Variants in ABCF2 observed in about 807,000 individuals in gnomAD.
ABCF2 encodes ATP-binding cassette sub-family F member 2.
A neutral mutation model predicts 76.9 loss-of-function variants in ABCF2; 37 were observed. That is an observed-to-expected ratio of 0.48 (90% CI 0.37 to 0.63). The LOEUF (loss-of-function observed/expected upper bound fraction) is 0.63, where lower values mean the gene tolerates loss of function less well. Among genes scored for constraint, ABCF2 ranks in the 30% least tolerant of loss-of-function variants. ABCF2 has a pLI of 0.00. For missense variants in ABCF2, 524 were observed against 782.1 expected, an observed-to-expected ratio of 0.67 and a Z score of 3.94; for synonymous variants, 299 against 283.7, an observed-to-expected ratio of 1.05 and a Z score of -0.54.
intron 11 of ABCF2, 46 bp downstream of exon 11, chr7:151,218,035 G>A (rs1480450515): frequency 5.7e-6 from 8 of 1,406,836 alleles, no homozygotes; most frequent in Admixed American, 5.2e-5. Context: ...CTTAACCATC[G>A]CAAGGCCTAA....
chr7:151,217,610 T>C (rs1343759805), intron 11 of ABCF2, among the ~76,000 whole-genome samples: 2 of 152,006 alleles, frequency 1.3e-5, no homozygotes, highest in Admixed American at 1.3e-4. Flanking sequence ...ACCAGCCTAA[T>C]GAACATGGTG....
chr7:151,225,522 G>A (rs73727121), intron 2 of ABCF2, among the ~76,000 whole-genome samples: 4,983 of 152,320 alleles, frequency 0.033, 288 homozygotes, highest in African/African-American at 0.11. Flanking sequence ...GTTTGACTGA[G>A]AGACGCTTCA....
chr7:151,219,296 C>T (rs1802219838), intron 7 of ABCF2, 137 bp from the exon 8 acceptor site: 3 of 738,060 alleles, frequency 4.1e-6, no homozygotes, highest in South Asian at 2.9e-5. Context: ...GAAGAGAGGA[C>T]GTGCATTACA....
At position 151,215,586 on chromosome 7, in the gene ABCF2, A is replaced by T; in HGVS notation, c.1530+18T>A. On this transcript the variant is annotated intron_variant, in intron 13 of 14. Transcript: ENST00000287844. The surrounding 1 kb of genome is among the most constrained non-coding windows in gnomAD (Gnocchi z 4.6). ...CTGCCAGCTATCTGGCATCCTCACC[A>T]CACCCTCCTTTACTGACCTGTTGTT... 1 of 1,613,572 alleles carries T rather than the reference A, an allele frequency of 6.2e-7. No homozygotes were observed. The highest frequency in any genetic ancestry group is 8.5e-7 in the Non-Finnish European group (1 of 1,179,780).
rs118161333 is a variant in ABCF2, at chr7:151,224,783, A to G, written c.360T>C (p.Asn120=). 243 of 1,614,130 alleles carry G rather than the reference A, an allele frequency of 1.5e-4. No individual in the cohort carries two copies. The East Asian group carries it at 4.5e-3, about 30-fold the overall frequency. Reference sequence around the variant, plus strand: ...CCCCTTCCAAGGCCTCACCAATTCCATTTAAACCAATGAGGCCATAACGAC... The same window carrying G: ...CCCCTTCCAAGGCCTCACCAATTCCGTTTAAACCAATGAGGCCATAACGAC... ...SGRRYGLIGL[N]GIGKSMLLSA... Residue 120 remains asparagine (N), a synonymous_variant, in exon 3 of 15, where the codon AAT becomes AAC. Coordinates refer to ENST00000287844, the MANE Select transcript of ABCF2 (RefSeq NM_007189.3).
In ABCF2 at chr7:151,212,339, A is replaced by G. The variant is rs970208728; in HGVS notation, c.*1715T>C. ...GCTGGAAGTGAATTCAACAGTGATG[A>G]TAACTATGGCTGTGGACAGGTAAAA... On this transcript the variant is annotated 3_prime_UTR_variant, in exon 15 of 15. Transcript: ENST00000287844. The G allele has an allele frequency of 6.0e-5, 59 of 985,480 alleles. No individual in the cohort carries two copies. In the African/African-American group the frequency reaches 9.1e-4, roughly 15 times the overall value. 61.0% of individuals were successfully genotyped at this position (985,480 alleles called of 1,614,324 possible).
chr7:151,223,802 C>G lies in ABCF2; in HGVS notation c.598G>C (p.Asp200His). The change falls in exon 5 of 15, where the codon GAT becomes CAT. Residue 200 changes from aspartate (D) to histidine (H), a missense_variant. By Grantham distance (81) the Asp-to-His change is moderately conservative. Around this residue, in one of 2 missense-constraint regions of ABCF2, gnomAD observed 330 missense variants for 433.6 expected, o/e 0.76. Transcript: ENST00000287844. ...GCCCTCATCTCTGCCTTGTCGGCAT[C>G]CAGCTCCTCCAGGCGCTCGTAGAGC... is the stretch of plus-strand genomic sequence containing the variant. ...MELYERLEEL[D>H]ADKAEMRASR... 1.9e-6 allele frequency: 3 copies of G among 1,613,974 alleles called. No individual in the cohort carries two copies. Among genetic ancestry groups the G allele is most frequent in the Non-Finnish European group, 2.5e-6 (3 of 1,179,918 alleles).
At chr7:151,216,375 T>C (rs1489896570) in intron 11 of ABCF2, among the ~76,000 whole-genome samples, 1 of 152,200 alleles carries the variant, frequency 6.6e-6, no homozygotes, top group Admixed American at 6.5e-5. Flanking sequence ...GATAGGTTCT[T>C]AGAAACAGAA....
rs1802374007 is a variant in ABCF2 at position 151,226,460 on chromosome 7, AT to A, written c.-3del. The A allele has an allele frequency of 6.2e-7, 1 of 1,613,460 alleles. No homozygotes were observed. Among genetic ancestry groups the A allele is most frequent in the Non-Finnish European group, 8.5e-7 (1 of 1,179,850 alleles). The stretch of plus-strand genomic sequence containing the variant: ...CTTCTTGGCCAGGTCGGAGGGCATG[AT>A]GATGACCCACAGGGGTAGGTTACTG... On this transcript the variant is annotated 5_prime_UTR_variant, in exon 2 of 15. Coordinates refer to ENST00000287844, the MANE Select transcript of ABCF2 (RefSeq NM_007189.3).
Position 151,215,492 on chromosome 7 carries a change from G to T in ABCF2, c.1530+112C>A. The T allele has an allele frequency of 7.5e-7, 1 of 1,336,062 alleles. No homozygotes were observed. The highest frequency in any genetic ancestry group is 1.0e-6 in the Non-Finnish European group (1 of 965,490). 82.8% of individuals were successfully genotyped at this position (1,336,062 alleles called of 1,614,324 possible). A position where few individuals can be genotyped will look rare whatever the true frequency, so the allele number is the denominator to read the frequency against. On this transcript the variant is annotated intron_variant, in intron 13 of 14. Coordinates refer to ENST00000287844, the MANE Select transcript of ABCF2 (RefSeq NM_007189.3). The surrounding 1 kb of genome is among the most constrained non-coding windows in gnomAD (Gnocchi z 4.6). The stretch of plus-strand genomic sequence containing the variant: ...GTTCTTAGGGGAGTCAAATGGAGGA[G>T]ACTCTGGTTTGGACAGCTTCCAAAC...
chr7:151,225,402 G>A lies in ABCF2; in HGVS notation c.155-414C>T, dbSNP rs181304880. 1.2e-4 allele frequency among the ~76,000 whole-genome samples: 18 copies of A among 152,286 alleles called. No homozygotes were observed. In the South Asian group the frequency reaches 3.3e-3, roughly 28 times the overall value. On this transcript the variant is annotated intron_variant, in intron 2 of 14. Coordinates refer to ENST00000287844, the MANE Select transcript of ABCF2 (RefSeq NM_007189.3). The stretch of plus-strand genomic sequence containing the variant: ...AAAAAAAACCCAAGACAGGGTCCTT[G>A]CACTCAAAGATGAAACAATTTAGAC...
At chr7:151,216,800 C>T (rs1802160787) in intron 11 of ABCF2, among the ~76,000 whole-genome samples, 1 of 152,148 alleles carries the variant, frequency 6.6e-6, no homozygotes, top group Non-Finnish European at 1.5e-5. Flanking sequence ...AGGTGTGAGC[C>T]ACGGCACCTG....
chr7:151,220,074 G>C (rs1802235626), intron 7 of ABCF2, among the ~76,000 whole-genome samples: 1 of 151,524 alleles, frequency 6.6e-6, no homozygotes, highest in South Asian at 2.1e-4. Flanking sequence ...ACTCCAGCCT[G>C]GGTGACAGAG....
rs1415523427 is a variant in ABCF2 at position 151,224,211 on chromosome 7, T to A, written c.368-97A>T. ...CCCAGTCAAACTGGGACCTCATCCATTTTTTTTTTTTTGAGGACCTTTCTT... is the reference window on the plus strand; with the variant it reads ...CCCAGTCAAACTGGGACCTCATCCAATTTTTTTTTTTTGAGGACCTTTCTT... On this transcript the variant is annotated intron_variant, in intron 3 of 14. Coordinates refer to ENST00000287844, the MANE Select transcript of ABCF2 (RefSeq NM_007189.3). 9.1e-6 allele frequency: 4 copies of A among 437,748 alleles called. No individual in the cohort carries two copies. The South Asian group carries it at 1.4e-4, about 16-fold the overall frequency. 27.1% of individuals were successfully genotyped at this position (437,748 alleles called of 1,614,324 possible).
In ABCF2 at chr7:151,213,738, C is replaced by T. The variant is rs942962941; in HGVS notation, c.*316G>A. 2.1e-5 allele frequency: 24 copies of T among 1,128,866 alleles called. No individual in the cohort carries two copies. The highest frequency in any genetic ancestry group is 2.4e-5 in the Non-Finnish European group (22 of 922,290). The allele number at this position is 1,128,866 out of a possible 1,614,324, so 69.9% of individuals were successfully genotyped here. A position where few individuals can be genotyped will look rare whatever the true frequency, so the allele number is the denominator to read the frequency against. ...CCGCAGGCCAAATCCAGGGCTTGGG[C>T]CCCTGGGCTAACCCGCAGGTGCCTC... On this transcript the variant is annotated 3_prime_UTR_variant, in exon 15 of 15. Transcript: ENST00000287844.
rs781305827 is a variant in ABCF2, at chr7:151,218,853, A to C, written c.1038T>G (p.Gly346=). The C allele has an allele frequency of 6.2e-7, 1 of 1,613,684 alleles. No homozygotes were observed. Among genetic ancestry groups the C allele is most frequent in the Non-Finnish European group, 8.5e-7 (1 of 1,179,988 alleles). Reference sequence around the variant, plus strand: ...GCCGGGCCAGCTTGGCACTGCCATGACCAAACCTCGCAATGTAGTTCTAAA... The same window carrying C: ...GCCGGGCCAGCTTGGCACTGCCATGCCCAAACCTCGCAATGTAGTTCTAAA... The part of the protein sequence containing the change: ...AHMKNYIARF[G]HGSAKLARQA... The change falls in exon 9 of 15, where the codon GGT becomes GGG. Residue 346 remains glycine (G), a synonymous_variant. Transcript: ENST00000287844.
Position 151,214,513 on chromosome 7 carries a change from CT to C in ABCF2, c.1735-323del, listed in dbSNP as rs1025814144. On this transcript the variant is annotated intron_variant, in intron 14 of 14. Transcript: ENST00000287844. The surrounding 1 kb of genome is among the most constrained non-coding windows in gnomAD (Gnocchi z 4.9). ...AGAGCTTCAGAGGAATGAGCAACAA[CT>C]TTTTCTCAAATGACTGTGGTAGCTG... Among the ~76,000 whole-genome samples, 1 of 152,198 alleles carries C rather than the reference CT, an allele frequency of 6.6e-6. No individual in the cohort carries two copies. Among genetic ancestry groups the C allele is most frequent in the Non-Finnish European group, 1.5e-5 (1 of 68,040 alleles).
At chr7:151,221,034 T>G (rs1043662990) in intron 7 of ABCF2, among the ~76,000 whole-genome samples, 1 of 152,192 alleles carries the variant, frequency 6.6e-6, no homozygotes, top group African/African-American at 2.4e-5. Flanking sequence ...CCGTGAAAAG[T>G]CAACTTCTTT....
In ABCF2 at chr7:151,219,075, CA is replaced by C; in HGVS notation, c.1005del (p.Ile335MetfsTer4). 6.2e-7 allele frequency: 1 copy of C among 1,614,070 alleles called. No individual in the cohort carries two copies. The highest frequency in any genetic ancestry group is 8.5e-7 in the Non-Finnish European group (1 of 1,179,998). On this transcript the variant is annotated frameshift_variant, in exon 8 of 15. Transcript: ENST00000287844. ...MKRFHWEQDQ[I>X]AHMKNYIARF... ...TGCAGTCTCCCTACCTTCATGTGTGCAATCTGATCTTGCTCCCAGTGAAACC... is the reference window on the plus strand; with the variant it reads ...TGCAGTCTCCCTACCTTCATGTGTGCATCTGATCTTGCTCCCAGTGAAACC...
Sources: allele counts gnomAD v4.1 joint callset (sites outside exome capture counted in the v4.1 genomes callset), GRCh38; gene constraint gnomAD v4.1.1; regional missense constraint gnomAD v4.1.1; non-coding constraint Gnocchi (gnomAD v3.1); transcripts MANE v1.5; gene names NCBI Gene and HGNC (gene_info 2026-07-23, HGNC 2026-07-21).